MAGI2: variants seen among roughly 807,000 people sequenced by gnomAD.
MAGI2 encodes membrane associated guanylate kinase, WW and PDZ domain containing 2, also known as membrane-associated guanylate kinase, WW and PDZ domain-containing protein 2.
In MAGI2, 35 loss-of-function variants were observed where a neutral mutation model predicts 133.3. That is an observed-to-expected ratio of 0.26 (90% CI 0.20 to 0.35). The LOEUF is 0.35. MAGI2 is among the 10% of genes least tolerant of loss of function. MAGI2 has a pLI of 1.00. For synonymous variants in MAGI2, 729 were observed against 710.6 expected (o/e 1.03, Z -0.41); for missense variants, 1,636 against 1,863.4 (o/e 0.88, Z 2.25).
chr7:78,043,890 T>G (rs1456687050), intron 21 of MAGI2, among the ~76,000 whole-genome samples: 2 of 152,246 alleles, frequency 1.3e-5, no homozygotes, highest in Non-Finnish European at 2.9e-5. Context: ...TTACTAAGTT[T>G]GATTTTTGCC....
intron 2 of MAGI2, among the ~76,000 whole-genome samples, chr7:78,883,199 C>G (rs950696333): frequency 1.3e-5 from 2 of 151,990 alleles, no homozygotes; most frequent in African/African-American, 4.8e-5. Context: ...CTTTTCTAAG[C>G]ACCAATAACA....
chr7:78,166,124 G>T (rs1294624344), intron 15 of MAGI2, among the ~76,000 whole-genome samples: 1 of 152,122 alleles, frequency 6.6e-6, no homozygotes. Flanking sequence ...GCATCTTTAC[G>T]GAAGTCACAT....
At chr7:79,217,719 G>C (rs1278451289) in intron 1 of MAGI2, among the ~76,000 whole-genome samples, 1 of 151,898 alleles carries the variant, frequency 6.6e-6, no homozygotes, top group Non-Finnish European at 1.5e-5. Flanking sequence ...ATAATACATT[G>C]AGCAAATTAT....
intron 6 of MAGI2, among the ~76,000 whole-genome samples, chr7:78,374,264 G>T (rs1485175405): frequency 1.3e-5 from 2 of 152,112 alleles, no homozygotes; most frequent in Non-Finnish European, 2.9e-5. Flanking sequence ...ATTCTGACTG[G>T]TGTAGGATGG....
rs990131762 is a variant in MAGI2 at position 78,019,008 on chromosome 7, T to A, written c.*307A>T. 7.5e-6 allele frequency: 3 copies of A among 400,848 alleles called. No homozygotes were observed. Among genetic ancestry groups the A allele is most frequent in the Non-Finnish European group, 1.3e-5 (3 of 227,372 alleles). 24.8% of individuals were successfully genotyped at this position (400,848 alleles called of 1,614,324 possible). On this transcript the variant is annotated 3_prime_UTR_variant, in exon 22 of 22. Transcript: ENST00000354212. ...TCCTTCATGCAGTGGGGAGGAATAT[T>A]TTTTTTTCTTAAACTAAAGCTACAC...
intron 1 of MAGI2, among the ~76,000 whole-genome samples, chr7:79,292,775 A>AAAAAAAAAAG (rs1836605026): frequency 9.3e-6 from 1 of 107,224 alleles, no homozygotes. Context: ...TTCTGCAAAA[A>AAAAAAAAAAG]AAAAAAAAAA....
chr7:78,548,370 T>G (rs562848572), intron 3 of MAGI2, among the ~76,000 whole-genome samples: 1 of 152,326 alleles, frequency 6.6e-6, no homozygotes, highest in East Asian at 1.9e-4. Context: ...TAAAGGCTAC[T>G]CCACAGGACA....
chr7:78,433,103 C>T (rs993348688), intron 6 of MAGI2, among the ~76,000 whole-genome samples: 2 of 151,986 alleles, frequency 1.3e-5, no homozygotes, highest in African/African-American at 4.8e-5. Context: ...TAAGAATTGC[C>T]ATTATAAAGT....
At chr7:78,375,646 A>G (rs888154312) in intron 6 of MAGI2, among the ~76,000 whole-genome samples, 20 of 152,176 alleles carry the variant, frequency 1.3e-4, no homozygotes, top group Admixed American at 7.9e-4. Context: ...ACAAAAGAAA[A>G]TAAGGAACAT....
intron 6 of MAGI2, among the ~76,000 whole-genome samples, chr7:78,413,271 A>G (rs968657532): frequency 1.3e-5 from 2 of 152,120 alleles, no homozygotes; most frequent in Admixed American, 1.3e-4. Flanking sequence ...CACTGGCCTT[A>G]TATGTAATTC....
intron 9 of MAGI2, among the ~76,000 whole-genome samples, chr7:78,266,857 C>G (rs1262999534): frequency 6.6e-6 from 1 of 152,158 alleles, no homozygotes; most frequent in Non-Finnish European, 1.5e-5. Context: ...CAGGTGTGAG[C>G]CACCATGCCT....
At chr7:78,314,397 T>C (rs1025363839) in intron 9 of MAGI2, among the ~76,000 whole-genome samples, 1 of 152,160 alleles carries the variant, frequency 6.6e-6, no homozygotes, top group African/African-American at 2.4e-5. Flanking sequence ...AGGAAGTTTG[T>C]AAGACAGATA....
intron 1 of MAGI2, among the ~76,000 whole-genome samples, chr7:79,214,504 G>C (rs1399144507): frequency 1.6e-5 from 2 of 128,176 alleles, no homozygotes; most frequent in Admixed American, 1.7e-4. Flanking sequence ...GGAGATAAAA[G>C]ATAAAAGTCA....
chr7:78,525,832 A>G (rs1459023529), intron 3 of MAGI2, among the ~76,000 whole-genome samples: 1 of 152,244 alleles, frequency 6.6e-6, no homozygotes, highest in Non-Finnish European at 1.5e-5. Context: ...TATGACTGCT[A>G]CAACGTGCTA....
At chr7:78,846,189 A>G (rs989891523) in intron 2 of MAGI2, among the ~76,000 whole-genome samples, 4 of 151,936 alleles carry the variant, frequency 2.6e-5, no homozygotes, top group Non-Finnish European at 4.4e-5. Context: ...GATTTCAAAA[A>G]GAAAAAAAAA....
intron 16 of MAGI2, among the ~76,000 whole-genome samples, chr7:78,153,070 G>A (rs532500943): frequency 1.9e-4 from 29 of 152,304 alleles, no homozygotes; most frequent in Admixed American, 1.2e-3. Context: ...AATGACTTTC[G>A]GAGATGGAAC....
intron 2 of MAGI2, among the ~76,000 whole-genome samples, chr7:78,919,845 A>C (rs1563663957): frequency 6.6e-6 from 1 of 152,122 alleles, no homozygotes; most frequent in African/African-American, 2.4e-5. Flanking sequence ...TTCTCCTTGA[A>C]ATTTTATTCA....
Position 78,501,652 on chromosome 7 carries a change from T to C in MAGI2, c.890A>G (p.Asp297Gly), listed in dbSNP as rs544061569. The stretch of plus-strand genomic sequence containing the variant: ...AGGCAATGGGTCTGGTTCCTCATTG[T>C]CTTCAGGTTTAGTTGGCTTTGTGTC... Reference protein sequence around the residue: ...MDDTKPTKPEDNEEPDPLPDN... With the variant: ...MDDTKPTKPEGNEEPDPLPDN... Residue 297 changes from aspartate to glycine, a missense_variant, in exon 5 of 22, where the codon GAC becomes GGC. Around this residue, in one of 5 missense-constraint regions of MAGI2, gnomAD observed 165 missense variants for 128.4 expected, o/e 1.28. Coordinates refer to ENST00000354212, the MANE Select transcript of MAGI2 (RefSeq NM_012301.4). 5 of 1,614,194 alleles carry C rather than the reference T, an allele frequency of 3.1e-6. No homozygotes were observed. In the East Asian group the frequency reaches 1.1e-4, roughly 36 times the overall value.
chr7:78,975,283 T>TA (rs1363223579), intron 2 of MAGI2, among the ~76,000 whole-genome samples: 2 of 151,788 alleles, frequency 1.3e-5, no homozygotes, highest in East Asian at 3.9e-4. Context: ...TTGTGGGCTA[T>TA]AAAATGCACT....
Sources: allele counts gnomAD v4.1 joint callset (sites outside exome capture counted in the v4.1 genomes callset), GRCh38; gene constraint gnomAD v4.1.1; regional missense constraint gnomAD v4.1.1; transcripts MANE v1.5; gene names NCBI Gene and HGNC (gene_info 2026-07-23, HGNC 2026-07-21).